Variants in SLC2A8 observed in about 807,000 individuals in gnomAD.
SLC2A8 encodes the protein solute carrier family 2 member 8, also known as solute carrier family 2, facilitated glucose transporter member 8.
A neutral mutation model predicts 49.2 loss-of-function variants in SLC2A8; 53 were observed. The observed-to-expected ratio is 1.08, with a 90% CI of 0.86 to 1.35. The LOEUF is 1.35. Among genes scored for constraint, SLC2A8 ranks in the 40% most tolerant of loss-of-function variants. The pLI is 0.00. For missense variants in SLC2A8, 688 were observed against 671.7 expected (o/e 1.02, Z -0.27); for synonymous variants, 299 against 297.0 (o/e 1.01, Z -0.07).
rs2131878683 is a variant in SLC2A8, at chr9:127,399,082, G to A, written c.427-825G>A. 6.6e-6 allele frequency among the ~76,000 whole-genome samples: 1 copy of A among 152,320 alleles called. No individual in the cohort carries two copies. Among genetic ancestry groups the A allele is most frequent in the African/African-American group, 2.4e-5 (1 of 41,576 alleles). On this transcript the variant is annotated intron_variant, in intron 3 of 9. Coordinates refer to ENST00000373371, the MANE Select transcript of SLC2A8 (RefSeq NM_014580.5). This position sits in a 1 kb window ranked among gnomAD's most constrained non-coding sequence, Gnocchi z 4.2. Reference sequence around the variant, plus strand: ...GCTATGGAATAACCTTAGATGCATGGGTGAGGGCCTGGTGGCCTGTGGGCC... The same window carrying A: ...GCTATGGAATAACCTTAGATGCATGAGTGAGGGCCTGGTGGCCTGTGGGCC...
chr9:127,405,085 T>C, intron 8 of SLC2A8, 94 bp downstream of exon 8: 2 of 1,328,732 alleles, frequency 1.5e-6, no homozygotes, highest in South Asian at 2.7e-5. Context: ...TTCCCCAGCC[T>C]CACCTCTCCT....
At chr9:127,402,437 T>C (rs2131893864) in intron 4 of SLC2A8, 120 bp from the exon 5 acceptor site, 1 of 1,390,500 alleles carries the variant, frequency 7.2e-7, no homozygotes, top group East Asian at 2.6e-5. Context: ...GTAGCGAACA[T>C]GAGGGCAGAT....
rs981360737 is a variant in SLC2A8 at position 127,402,954 on chromosome 9, G to A, written c.723+201G>A. Among the ~76,000 whole-genome samples the A allele has an allele frequency of 3.9e-5, 6 of 152,204 alleles. No homozygotes were observed. The East Asian group carries it at 5.8e-4, about 15-fold the overall frequency. The stretch of plus-strand genomic sequence containing the variant: ...TGGAGCCCCACGGAGCTGGGCCCTG[G>A]CCTCCAAAGTCACCAGCAAAGCCCG... On this transcript the variant is annotated intron_variant, in intron 5 of 9. Transcript: ENST00000373371.
intron 9 of SLC2A8, among the ~76,000 whole-genome samples, chr9:127,406,612 G>T (rs1019673820): frequency 6.6e-6 from 1 of 152,240 alleles, no homozygotes; most frequent in African/African-American, 2.4e-5. Flanking sequence ...GTTCTGGCAC[G>T]TGGGAGGTCA....
At position 127,402,529 on chromosome 9, in the gene SLC2A8, G is replaced by A. The variant is rs61142033; in HGVS notation, c.527-28G>A. 4,134 of 1,490,218 alleles carry A rather than the reference G, an allele frequency of 2.8e-3. 117 individuals carry two copies. In the African/African-American group the frequency reaches 0.053, roughly 19 times the overall value. The allele number at this position is 1,490,218 out of a possible 1,614,324, so 92.3% of individuals were successfully genotyped here. A position where few individuals can be genotyped will look rare whatever the true frequency, so the allele number is the denominator to read the frequency against. ...CAGGCTGGCTCACCCTGGCTCTGAC[G>A]CCAGCCTCCTCCACCCACCCCCCGC... On this transcript the variant is annotated intron_variant, in intron 4 of 9. Transcript: ENST00000373371.
chr9:127,402,432 G>A lies in SLC2A8; in HGVS notation c.527-125G>A, dbSNP rs3802368. The A allele has an allele frequency of 2.6e-3, 3,512 of 1,373,320 alleles. 66 individuals are homozygous for A. The East Asian group carries it at 0.055, about 22-fold the overall frequency. The allele number at this position is 1,373,320 out of a possible 1,614,324, so 85.1% of individuals were successfully genotyped here. The stretch of plus-strand genomic sequence containing the variant: ...TTGTGATAATGGCAATGTCAGTAGC[G>A]AACATGAGGGCAGATGTGCAGAGGC... On this transcript the variant is annotated intron_variant, in intron 4 of 9. Coordinates refer to ENST00000373371, the MANE Select transcript of SLC2A8 (RefSeq NM_014580.5).
Position 127,398,004 on chromosome 9 carries a change from T to G in SLC2A8, c.319T>G (p.Phe107Val). 6.4e-7 allele frequency: 1 copy of G among 1,563,420 alleles called. No homozygotes were observed. Among genetic ancestry groups the G allele is most frequent in the South Asian group, 1.2e-5 (1 of 86,222 alleles). The change falls in exon 3 of 10, where the codon TTC (phenylalanine) becomes GTC (valine). Residue 107 changes from phenylalanine (F) to valine (V), a missense_variant. Coordinates refer to ENST00000373371, the MANE Select transcript of SLC2A8 (RefSeq NM_014580.5). ...KLSLLLCSVP[F>V]VAGFAVITAA... ...GAGCCTCTTGCTGTGCTCCGTGCCC[T>G]TCGTGGCCGGCTTTGCCGTCATCAC...
intron 4 of SLC2A8, chr9:127,402,220 C>A: frequency 3.8e-6 from 1 of 262,852 alleles, no homozygotes; most frequent in Non-Finnish European, 7.2e-6. Flanking sequence ...TCCTCCCTCC[C>A]CCACCTCTTC....
At position 127,407,375 on chromosome 9, in the gene SLC2A8, C is replaced by T. The variant is rs982659284; in HGVS notation, c.*126C>T. The T allele has an allele frequency of 4.2e-5, 51 of 1,203,984 alleles. No homozygotes were observed. Among genetic ancestry groups the T allele is most frequent in the Non-Finnish European group, 6.0e-5 (49 of 815,838 alleles). The allele number at this position is 1,203,984 out of a possible 1,614,324, so 74.6% of individuals were successfully genotyped here. ...GCCTTGGTCTGCAGGGTCCCTCCTT[C>T]CTGTCATGCTCCCTCCAGCCCATGA... On this transcript the variant is annotated 3_prime_UTR_variant, in exon 10 of 10. Transcript: ENST00000373371.
chr9:127,400,981 G>C (rs530427800), intron 4 of SLC2A8, among the ~76,000 whole-genome samples: 2 of 152,332 alleles, frequency 1.3e-5, no homozygotes, highest in East Asian at 3.9e-4. Flanking sequence ...TGTAATCCCA[G>C]CTACCTGGGG....
rs1833168586 is a variant in SLC2A8 at position 127,399,147 on chromosome 9, C to T, written c.427-760C>T. ...TGGCAGCCACTGGTAGTGACCGAGG[C>T]AGAGAGTTCGTGCTTCTAGTCCAAG... On this transcript the variant is annotated intron_variant, in intron 3 of 9. Coordinates refer to ENST00000373371, the MANE Select transcript of SLC2A8 (RefSeq NM_014580.5). The surrounding 1 kb of genome is among the most constrained non-coding windows in gnomAD (Gnocchi z 4.2). Among the ~76,000 whole-genome samples the T allele has an allele frequency of 6.6e-6, 1 of 152,178 alleles. No homozygotes were observed.
rs867233174 is a variant in SLC2A8 at position 127,398,098 on chromosome 9, C to A, written c.413C>A (p.Ser138Tyr). ...LLTGLACGVA[S>Y]LVAPVYISEI... ...ACCGGCCTGGCCTGCGGTGTTGCCTCCCTAGTGGCCCCGGTGAGTGTCCCG... is the reference window on the plus strand; with the variant it reads ...ACCGGCCTGGCCTGCGGTGTTGCCTACCTAGTGGCCCCGGTGAGTGTCCCG... Residue 138 changes from serine to tyrosine, a missense_variant, in exon 3 of 10, where the codon TCC becomes TAC. Physicochemically the swap from Ser to Tyr is moderately radical, Grantham distance 144. Coordinates refer to ENST00000373371, the MANE Select transcript of SLC2A8 (RefSeq NM_014580.5). 1.3e-6 allele frequency: 2 copies of A among 1,578,156 alleles called. No individual in the cohort carries two copies. The highest frequency in any genetic ancestry group is 2.3e-5 in the South Asian group (2 of 87,372).
In SLC2A8 at chr9:127,404,391, C is replaced by T. The variant is rs931622882; in HGVS notation, c.976+324C>T. ...TCCTTTTGGACAAGTGACTTTACCT[C>T]TCTGAGCCTCAGTCTCCCCCTCTGG... On this transcript the variant is annotated intron_variant, in intron 7 of 9. Coordinates refer to ENST00000373371, the MANE Select transcript of SLC2A8 (RefSeq NM_014580.5). 18 of 334,902 alleles carry T rather than the reference C, an allele frequency of 5.4e-5. No homozygotes were observed. The East Asian group carries it at 1.1e-3, about 20-fold the overall frequency. The allele number at this position is 334,902 out of a possible 1,614,324, so 20.7% of individuals were successfully genotyped here.
chr9:127,402,383 C>T (rs577885725), intron 4 of SLC2A8, 174 bp from the exon 5 acceptor site: 29 of 1,027,078 alleles, frequency 2.8e-5, no homozygotes, highest in African/African-American at 1.1e-4. Context: ...GTGATTGGCC[C>T]GTGCCATGTG....
intron 9 of SLC2A8, 81 bp from the exon 10 acceptor site, chr9:127,407,031 G>GA: frequency 6.5e-7 from 1 of 1,536,942 alleles, no homozygotes; most frequent in Non-Finnish European, 8.9e-7. Flanking sequence ...TGGACCCCCT[G>GA]GTGGCAGAGC....
rs922817095 is a variant in SLC2A8 at position 127,397,174 on chromosome 9, C to T, written c.-57C>T. On this transcript the variant is annotated 5_prime_UTR_variant, in exon 1 of 10. Coordinates refer to ENST00000373371, the MANE Select transcript of SLC2A8 (RefSeq NM_014580.5). Reference sequence around the variant, plus strand: ...GCGAGAGGCCGGTGCGGGCCGCACTCGCAGGGCCCGTGGCGGTTCAGGCGC... The same window carrying T: ...GCGAGAGGCCGGTGCGGGCCGCACTTGCAGGGCCCGTGGCGGTTCAGGCGC... 29 of 1,423,672 alleles carry T rather than the reference C, an allele frequency of 2.0e-5. No individual in the cohort carries two copies. The African/African-American group carries it at 2.6e-4, about 13-fold the overall frequency. The allele number at this position is 1,423,672 out of a possible 1,614,324, so 88.2% of individuals were successfully genotyped here. A position where few individuals can be genotyped will look rare whatever the true frequency, so the allele number is the denominator to read the frequency against.
In SLC2A8 at chr9:127,404,522, C is replaced by T. The variant is rs1361482301; in HGVS notation, c.977-296C>T. 6 of 418,622 alleles carry T rather than the reference C, an allele frequency of 1.4e-5. No homozygotes were observed. The East Asian group carries it at 2.5e-4, about 18-fold the overall frequency. 25.9% of individuals were successfully genotyped at this position (418,622 alleles called of 1,614,324 possible). ...CTGCGGCCCACGGACATTTGGTACC[C>T]AGCAGCTGCTGCGAAGACGACCGTC... On this transcript the variant is annotated intron_variant, in intron 7 of 9. Transcript: ENST00000373371.
At position 127,397,183 on chromosome 9, in the gene SLC2A8, C is replaced by A. The variant is rs760541123; in HGVS notation, c.-48C>A. The A allele has an allele frequency of 2.8e-6, 4 of 1,439,580 alleles. No homozygotes were observed. Among genetic ancestry groups the A allele is most frequent in the East Asian group, 3.0e-5 (1 of 33,018 alleles). The allele number at this position is 1,439,580 out of a possible 1,614,324, so 89.2% of individuals were successfully genotyped here. A position where few individuals can be genotyped will look rare whatever the true frequency, so the allele number is the denominator to read the frequency against. ...CGGTGCGGGCCGCACTCGCAGGGCC[C>A]GTGGCGGTTCAGGCGCCAGAGCTGG... On this transcript the variant is annotated 5_prime_UTR_variant, in exon 1 of 10. Coordinates refer to ENST00000373371, the MANE Select transcript of SLC2A8 (RefSeq NM_014580.5).
chr9:127,403,818 C>G lies in SLC2A8; in HGVS notation c.867+15C>G. 1 of 1,610,164 alleles carries G rather than the reference C, an allele frequency of 6.2e-7. No homozygotes were observed. Among genetic ancestry groups the G allele is most frequent in the East Asian group, 2.2e-5 (1 of 44,756 alleles). On this transcript the variant is annotated intron_variant, in intron 6 of 9. Coordinates refer to ENST00000373371, the MANE Select transcript of SLC2A8 (RefSeq NM_014580.5). ...CCAAGTTCAAGGTAAAAGGGCCCTGCCTGGCCTGCCTCGTCCAGCCCCCAC... is the reference window on the plus strand; with the variant it reads ...CCAAGTTCAAGGTAAAAGGGCCCTGGCTGGCCTGCCTCGTCCAGCCCCCAC...
Sources: gnomAD v4.1 joint callset for allele counts (sites outside exome capture counted in the v4.1 genomes callset) on GRCh38, gnomAD v4.1.1 for gene constraint, Gnocchi (gnomAD v3.1) non-coding constraint, MANE v1.5 for transcripts, NCBI Gene and HGNC (gene_info 2026-07-23, HGNC 2026-07-21) for gene names.